Variants in PRICKLE2 observed in about 807,000 individuals in gnomAD.
PRICKLE2 encodes prickle-like protein 2.
Under a neutral mutation model 81.4 loss-of-function variants are expected in PRICKLE2, and 21 were observed. The ratio of observed to expected loss-of-function variants is 0.26; its 90% confidence interval spans 0.18 to 0.37. The LOEUF is 0.37. Ranked by LOEUF, PRICKLE2 falls within the 10% of genes least tolerant of loss-of-function variation. PRICKLE2 has a pLI of 1.00. For missense variants in PRICKLE2, 940 were observed against 1,109.0 expected (o/e 0.85, Z 2.16); for synonymous variants, 456 against 421.5 (o/e 1.08, Z -1.00).
chr3:64,180,552 T>TC (rs1553648706), intron 2 of PRICKLE2, among the ~76,000 whole-genome samples: 2 of 151,564 alleles, frequency 1.3e-5, no homozygotes, highest in African/African-American at 4.8e-5. Flanking sequence ...TTTTTTTTTT[T>TC]AATAAAGTCT....
chr3:64,178,987 CTTTCTTTCTTTCTTTCTTTCTTTCTTT>C (rs2078073302), intron 2 of PRICKLE2, among the ~76,000 whole-genome samples: 1 of 142,484 alleles, frequency 7.0e-6, no homozygotes, highest in African/African-American at 2.7e-5. Context: ...TTCTTTCTTT[CTTTCTTTCTTTCTTTCTTTCTTTCTTT>C]CTTTCTTTCT....
intron 7 of PRICKLE2, among the ~76,000 whole-genome samples, chr3:64,104,166 T>G (rs1424609416): frequency 2.0e-5 from 3 of 152,222 alleles, no homozygotes; most frequent in African/African-American, 7.2e-5. Flanking sequence ...AATCGCTTGC[T>G]TACTCTGCTG....
chr3:64,198,255 T>A (rs144083271), intron 2 of PRICKLE2, among the ~76,000 whole-genome samples: 1,359 of 125,930 alleles, frequency 0.011, 8 homozygotes, highest in Non-Finnish European at 0.016. Context: ...AATAAATAAA[T>A]AAAACAAAAA....
At chr3:64,190,602 A>G (rs1164170203) in intron 2 of PRICKLE2, among the ~76,000 whole-genome samples, 5 of 152,200 alleles carry the variant, frequency 3.3e-5, no homozygotes, top group South Asian at 2.1e-4. Context: ...AAAAAGCCCA[A>G]TGGCCATTTC....
intron 2 of PRICKLE2, among the ~76,000 whole-genome samples, chr3:64,177,505 C>T (rs2078047423): frequency 6.6e-6 from 1 of 152,094 alleles, no homozygotes; most frequent in Admixed American, 6.5e-5. Flanking sequence ...ATCATCACCA[C>T]TATCTCGTCA....
At chr3:64,237,866 A>C (rs2079205918) in intron 2 of PRICKLE2, among the ~76,000 whole-genome samples, 1 of 152,178 alleles carries the variant, frequency 6.6e-6, no homozygotes, top group African/African-American at 2.4e-5. Context: ...TTGGCTTGCC[A>C]GGATGAGAAA....
intron 2 of PRICKLE2, among the ~76,000 whole-genome samples, chr3:64,262,605 G>C (rs1380622768): frequency 6.6e-6 from 1 of 151,734 alleles, no homozygotes; most frequent in Non-Finnish European, 1.5e-5. Flanking sequence ...AAGCAGGAAG[G>C]AGGCAGGAGC....
Position 64,170,716 on chromosome 3 carries a change from A to AC in PRICKLE2, c.145-7588_145-7587insG, listed in dbSNP as rs1333310544. ...CTCTAGAAACATTAAAAAAAAAAAAAAAAAAAAAACAGCCTGGCTGTGGTG... is the reference window on the plus strand; with the variant it reads ...CTCTAGAAACATTAAAAAAAAAAAAACAAAAAAAAACAGCCTGGCTGTGGTG... On this transcript the variant is annotated intron_variant, in intron 2 of 7. Coordinates refer to ENST00000638394, the MANE Select transcript of PRICKLE2 (RefSeq NM_198859.4). 5.4e-3 allele frequency among the ~76,000 whole-genome samples: 801 copies of AC among 149,034 alleles called. 9 individuals carry two copies. Among genetic ancestry groups the AC allele is most frequent in the African/African-American group, 0.017 (682 of 40,572 alleles).
chr3:64,246,163 AC>A (rs1267501814), intron 2 of PRICKLE2, among the ~76,000 whole-genome samples: 1 of 152,088 alleles, frequency 6.6e-6, no homozygotes, highest in Non-Finnish European at 1.5e-5. Flanking sequence ...AATTGCTTGA[AC>A]CTGGGAGGCA....
chr3:64,127,422 G>A (rs2077125512), intron 7 of PRICKLE2, among the ~76,000 whole-genome samples: 1 of 152,146 alleles, frequency 6.6e-6, no homozygotes. Flanking sequence ...AGGTACCATT[G>A]TGAGTATCTT....
At chr3:64,136,126 G>C (rs1277764439) in intron 7 of PRICKLE2, among the ~76,000 whole-genome samples, 1 of 152,098 alleles carries the variant, frequency 6.6e-6, no homozygotes. Context: ...ACTACACCAA[G>C]AGTGATTTGA....
chr3:64,239,336 G>C (rs2079228236), intron 2 of PRICKLE2, among the ~76,000 whole-genome samples: 1 of 152,124 alleles, frequency 6.6e-6, no homozygotes, highest in African/African-American at 2.4e-5. Context: ...CCAAAACAGA[G>C]ATACACAGAG....
At chr3:64,108,856 ATTCT>A (rs1390156758) in intron 7 of PRICKLE2, among the ~76,000 whole-genome samples, 7 of 152,106 alleles carry the variant, frequency 4.6e-5, no homozygotes, top group African/African-American at 1.7e-4. Context: ...GGGCTGGATA[ATTCT>A]TTGTTTGGTG....
Position 64,104,253 on chromosome 3 carries a change from C to T in PRICKLE2, c.1661-4328G>A, listed in dbSNP as rs542690145. 9.9e-5 allele frequency among the ~76,000 whole-genome samples: 15 copies of T among 152,248 alleles called. No individual in the cohort carries two copies. In the South Asian group the frequency reaches 3.1e-3, roughly 32 times the overall value. ...TTCCAGAGCCTCCCCAATATGAAAG[C>T]AGAGAGGAGAGGATAACAACCTAAG... On this transcript the variant is annotated intron_variant, in intron 7 of 7. Coordinates refer to ENST00000638394, the MANE Select transcript of PRICKLE2 (RefSeq NM_198859.4).
intron 2 of PRICKLE2, among the ~76,000 whole-genome samples, chr3:64,242,075 C>T (rs2079273914): frequency 1.3e-5 from 2 of 152,174 alleles, no homozygotes; most frequent in African/African-American, 4.8e-5. Flanking sequence ...CCAAGTGTGC[C>T]TTCTAATTAT....
At position 64,099,618 on chromosome 3, in the gene PRICKLE2, C is replaced by G. The variant is rs1314333239; in HGVS notation, c.1968G>C (p.Gly656=). 1 of 1,614,002 alleles carries G rather than the reference C, an allele frequency of 6.2e-7. No homozygotes were observed. The change falls in exon 8 of 8, where the codon GGG becomes GGC. Residue 656 remains glycine (G), a synonymous_variant. Coordinates refer to ENST00000638394, the MANE Select transcript of PRICKLE2 (RefSeq NM_198859.4). This position sits in a 1 kb window ranked among gnomAD's most constrained non-coding sequence, Gnocchi z 4.3. ...DGGMAGSKLP[G]QEGVRIQPMS... ...TGGGCTGGATCCTCACGCCCTCCTG[C>G]CCTGGCAGCTTGCTGCCCGCCATCC...
chr3:64,132,527 G>A (rs2077211523), intron 7 of PRICKLE2, among the ~76,000 whole-genome samples: 1 of 152,212 alleles, frequency 6.6e-6, no homozygotes, highest in African/African-American at 2.4e-5. Flanking sequence ...CCCACAGAAG[G>A]ACTAGTCTGA....
intron 2 of PRICKLE2, among the ~76,000 whole-genome samples, chr3:64,170,076 G>A (rs1236962041): frequency 2.0e-5 from 3 of 152,102 alleles, no homozygotes; most frequent in East Asian, 1.9e-4. Flanking sequence ...GAAAAGTGCC[G>A]TTAAGTGGCA....
intron 2 of PRICKLE2, among the ~76,000 whole-genome samples, chr3:64,254,743 T>A (rs72884337): frequency 0.22 from 32,964 of 152,118 alleles, 4,020 homozygotes; most frequent in Non-Finnish European, 0.26. Context: ...AACCCACATG[T>A]TTTGTTGACA....
Sources: allele counts gnomAD v4.1 joint callset (sites outside exome capture counted in the v4.1 genomes callset), GRCh38; gene constraint gnomAD v4.1.1; non-coding constraint Gnocchi (gnomAD v3.1); transcripts MANE v1.5; gene names NCBI Gene and HGNC (gene_info 2026-07-23, HGNC 2026-07-21).